The following L3MBTL4 variants were observed in gnomAD, a reference collection of about 807,000 sequenced individuals.
L3MBTL4 encodes lethal(3)malignant brain tumor-like protein 4.
Under a neutral mutation model 84.5 loss-of-function variants are expected in L3MBTL4, and 70 were observed. The ratio of observed to expected loss-of-function variants is 0.83; its 90% confidence interval spans 0.68 to 1.01. L3MBTL4 has a LOEUF of 1.01. Among genes scored for constraint, L3MBTL4 ranks in the 50% least tolerant of loss-of-function variants. L3MBTL4 has a pLI of 0.00. For synonymous variants in L3MBTL4, 274 were observed against 259.8 expected, an observed-to-expected ratio of 1.05 and a Z score of -0.52; for missense variants, 715 against 754.8, an observed-to-expected ratio of 0.95 and a Z score of 0.62.
chr18:6,030,093 A>G lies in L3MBTL4; in HGVS notation c.1444+50788T>C, dbSNP rs796398541. 7.7e-5 allele frequency: 75 copies of G among 977,624 alleles called. No individual in the cohort carries two copies. In the African/African-American group the frequency reaches 1.2e-3, roughly 15 times the overall value. 60.6% of individuals were successfully genotyped at this position (977,624 alleles called of 1,614,324 possible). On this transcript the variant is annotated intron_variant, in intron 16 of 18. Coordinates refer to ENST00000317931, the MANE Select transcript of L3MBTL4 (RefSeq NM_001330559.2). ...TTTTATTGCTAAAGGACACGAGGAA[A>G]CTGTTTAACAATGTATGTGGTATGC...
intron 16 of L3MBTL4, among the ~76,000 whole-genome samples, chr18:6,041,761 G>T (rs1469362760): frequency 6.6e-6 from 1 of 152,046 alleles, no homozygotes; most frequent in African/African-American, 2.4e-5. Flanking sequence ...GTCTCACCCT[G>T]TTGCCTAGGC....
chr18:6,059,204 G>A (rs1201976010), intron 16 of L3MBTL4, among the ~76,000 whole-genome samples: 2 of 152,198 alleles, frequency 1.3e-5, no homozygotes, highest in Non-Finnish European at 2.9e-5. Context: ...ACTCCAGTTC[G>A]AGAGGGTTAT....
chr18:6,023,081 G>A (rs1237321707), intron 16 of L3MBTL4, among the ~76,000 whole-genome samples: 1 of 151,332 alleles, frequency 6.6e-6, no homozygotes, highest in East Asian at 1.9e-4. Flanking sequence ...AGGCATGCCT[G>A]GTAGGAGGCC....
At chr18:6,342,089 G>A (rs926884828) in intron 1 of L3MBTL4, among the ~76,000 whole-genome samples, 1 of 152,068 alleles carries the variant, frequency 6.6e-6, no homozygotes, top group African/African-American at 2.4e-5. Flanking sequence ...AAAAGCTGTG[G>A]GAGTTCATCA....
chr18:6,054,589 C>T lies in L3MBTL4; in HGVS notation c.1444+26292G>A, dbSNP rs546393777. Among the ~76,000 whole-genome samples, 27 of 152,302 alleles carry T rather than the reference C, an allele frequency of 1.8e-4. No individual in the cohort carries two copies. The South Asian group carries it at 3.1e-3, about 18-fold the overall frequency. ...TTCCCCTCATCCTTTGGATCTGGGC[C>T]ATGTCACTTTCCCAGAGACAGGCCC... On this transcript the variant is annotated intron_variant, in intron 16 of 18. Transcript: ENST00000317931.
At chr18:6,227,874 C>T (rs56132809) in intron 10 of L3MBTL4, among the ~76,000 whole-genome samples, 3,171 of 152,004 alleles carry the variant, frequency 0.021, 41 homozygotes, top group Non-Finnish European at 0.032. Context: ...GCCATGTTGC[C>T]CAGTCTGGTC....
intron 5 of L3MBTL4, among the ~76,000 whole-genome samples, 197 bp from the exon 6 acceptor site, chr18:6,244,785 G>A (rs555097206): frequency 6.6e-6 from 1 of 152,298 alleles, no homozygotes; most frequent in East Asian, 1.9e-4. Context: ...CAGTTAGAAA[G>A]GAGGAATAAA....
chr18:6,171,772 C>T (rs759787559), intron 13 of L3MBTL4, 56 bp downstream of exon 13: 22 of 1,027,054 alleles, frequency 2.1e-5, no homozygotes, highest in South Asian at 6.1e-5. Flanking sequence ...AGCAACATTA[C>T]GGCTGGAAAT....
At chr18:6,403,444 T>A (rs529058147) in intron 1 of L3MBTL4, among the ~76,000 whole-genome samples, 1 of 152,346 alleles carries the variant, frequency 6.6e-6, no homozygotes, top group South Asian at 2.1e-4. Flanking sequence ...GGTGAATCTA[T>A]TATAACCTAT....
At position 5,956,395 on chromosome 18, in the gene L3MBTL4, T is replaced by C; in HGVS notation, c.1678-8A>G. ...GGCTTTGCCATCGATCTGCTGCAAATACATAAATAGACACAAATAAAAATG... is the reference window on the plus strand; with the variant it reads ...GGCTTTGCCATCGATCTGCTGCAAACACATAAATAGACACAAATAAAAATG... On this transcript the variant is annotated splice_region_variant and splice_polypyrimidine_tract_variant and intron_variant, in intron 18 of 18. Coordinates refer to ENST00000317931, the MANE Select transcript of L3MBTL4 (RefSeq NM_001330559.2). The C allele has an allele frequency of 6.2e-7, 1 of 1,613,148 alleles. No individual in the cohort carries two copies. Among genetic ancestry groups the C allele is most frequent in the Non-Finnish European group, 8.5e-7 (1 of 1,179,630 alleles).
At chr18:6,409,597 C>T (rs916837379) in intron 1 of L3MBTL4, among the ~76,000 whole-genome samples, 3 of 152,132 alleles carry the variant, frequency 2.0e-5, no homozygotes, top group African/African-American at 7.2e-5. Flanking sequence ...GGTGCATGTG[C>T]CCATGTACAG....
intron 15 of L3MBTL4, among the ~76,000 whole-genome samples, chr18:6,086,916 C>T (rs73938725): frequency 0.018 from 2,796 of 152,256 alleles, 83 homozygotes; most frequent in African/African-American, 0.065. Flanking sequence ...TCCACACATA[C>T]TTGTGGAGTG....
intron 3 of L3MBTL4, among the ~76,000 whole-genome samples, chr18:6,303,091 T>C (rs1285957391): frequency 6.6e-6 from 1 of 152,182 alleles, no homozygotes; most frequent in Non-Finnish European, 1.5e-5. Context: ...TTTGAACTTA[T>C]TTTTGGAAAC....
At chr18:6,016,029 G>C (rs1034216291) in intron 16 of L3MBTL4, among the ~76,000 whole-genome samples, 1 of 152,172 alleles carries the variant, frequency 6.6e-6, no homozygotes, top group Non-Finnish European at 1.5e-5. Context: ...TGACCACTGC[G>C]GAAGATGAAC....
chr18:6,211,658 T>A (rs2046109223), intron 12 of L3MBTL4, among the ~76,000 whole-genome samples: 1 of 151,902 alleles, frequency 6.6e-6, no homozygotes, highest in Non-Finnish European at 1.5e-5. Context: ...TACTTTTTTT[T>A]TTTTTTTTGA....
intron 16 of L3MBTL4, among the ~76,000 whole-genome samples, chr18:5,988,266 C>T (rs1336131246): frequency 6.6e-6 from 1 of 152,074 alleles, no homozygotes; most frequent in African/African-American, 2.4e-5. Context: ...AGCTAAATTC[C>T]AACAGTCAAA....
Position 6,093,430 on chromosome 18 carries a change from G to A in L3MBTL4, c.1298C>T (p.Ser433Phe), listed in dbSNP as rs759479445. Residue 433 changes from serine to phenylalanine, a missense_variant, in exon 15 of 19, where the codon TCT becomes TTT. Transcript: ENST00000317931. ...EQTQANLESD[S>F]SHSKSKSLCS... is the part of the protein sequence containing the mutation. The stretch of plus-strand genomic sequence containing the variant: ...GAGGCTTTTTGATTTTGAATGTGAA[G>A]AGTCTGATTCCAAATTTGCCTGTGT... The A allele has an allele frequency of 1.2e-6, 2 of 1,613,820 alleles. No homozygotes were observed. The highest frequency in any genetic ancestry group is 1.7e-6 in the Non-Finnish European group (2 of 1,179,930).
intron 12 of L3MBTL4, among the ~76,000 whole-genome samples, chr18:6,201,260 T>A (rs747388107): frequency 6.6e-6 from 1 of 152,212 alleles, no homozygotes; most frequent in Non-Finnish European, 1.5e-5. Context: ...ATTCTCCCAC[T>A]GCAACAAGTA....
intron 4 of L3MBTL4, among the ~76,000 whole-genome samples, chr18:6,299,919 G>A (rs1405593168): frequency 1.3e-5 from 2 of 152,112 alleles, no homozygotes; most frequent in Non-Finnish European, 2.9e-5. Context: ...AGATCCACCC[G>A]CCTTGGTCTC....
Sources: gnomAD v4.1 joint callset for allele counts (sites outside exome capture counted in the v4.1 genomes callset) on GRCh38, gnomAD v4.1.1 for gene constraint, MANE v1.5 for transcripts, NCBI Gene and HGNC (gene_info 2026-07-23, HGNC 2026-07-21) for gene names.